The following AGMO variants were observed in gnomAD, a reference collection of about 807,000 sequenced individuals.
AGMO encodes the protein alkylglycerol monooxygenase.
AGMO carries 75 observed loss-of-function variants against 60.2 expected under a neutral mutation model. The ratio of observed to expected loss-of-function variants is 1.25; its 90% CI spans 1.03 to 1.51. The LOEUF is 1.51. AGMO is among the 40% of genes most tolerant of loss of function. AGMO has a pLI of 0.00. For synonymous variants in AGMO, 261 were observed against 177.1 expected (o/e 1.47, Z -3.76); for missense variants, 763 against 525.5 (o/e 1.45, Z -4.42).
At chr7:15,523,124 A>T in intron 3 of AGMO, among the ~76,000 whole-genome samples, 1 of 152,256 alleles carries the variant, frequency 6.6e-6, no homozygotes, top group East Asian at 1.9e-4. Context: ...AGAAAAATGC[A>T]AATCAAAACC....
chr7:15,461,652 G>T (rs1782145411), intron 3 of AGMO, among the ~76,000 whole-genome samples: 1 of 152,030 alleles, frequency 6.6e-6, no homozygotes, highest in Admixed American at 6.6e-5. Flanking sequence ...ATGTCTTTTG[G>T]TATTTGTTGA....
the AGMO span, among the ~76,000 whole-genome samples, chr7:15,157,657 G>A: frequency 6.6e-6 from 1 of 152,142 alleles, no homozygotes; most frequent in Admixed American, 6.5e-5. Context: ...TCCAAAGGGG[G>A]ACAAGCCTGG....
chr7:15,129,305 T>C, the AGMO span, among the ~76,000 whole-genome samples: 1 of 132,482 alleles, frequency 7.5e-6, no homozygotes, highest in South Asian at 2.5e-4. Context: ...TTCAGTTGTA[T>C]ATCCAGCTTC....
At chr7:15,413,943 T>G (rs1286512774) in intron 5 of AGMO, among the ~76,000 whole-genome samples, 2 of 152,218 alleles carry the variant, frequency 1.3e-5, no homozygotes, top group African/African-American at 4.8e-5. Flanking sequence ...TTGATTCCTT[T>G]AAATATAACT....
At chr7:15,252,861 G>C (rs1436128630) in intron 12 of AGMO, among the ~76,000 whole-genome samples, 16 of 152,128 alleles carry the variant, frequency 1.1e-4, no homozygotes, top group Admixed American at 1.0e-3. Flanking sequence ...GCAGTAAGTT[G>C]AAAGAAAAGA....
intron 2 of AGMO, among the ~76,000 whole-genome samples, chr7:15,558,126 C>T (rs1785199943): frequency 6.6e-6 from 1 of 151,150 alleles, no homozygotes; most frequent in Admixed American, 6.6e-5. Context: ...AATAACACTG[C>T]TAAGCAAAAA....
At chr7:15,398,283 A>T (rs975993150) in intron 5 of AGMO, among the ~76,000 whole-genome samples, 5 of 152,046 alleles carry the variant, frequency 3.3e-5, no homozygotes, top group African/African-American at 4.8e-5. Context: ...ATTTTTTTTT[A>T]ATGTCAAGCT....
intron 12 of AGMO, among the ~76,000 whole-genome samples, chr7:15,283,145 T>C (rs1784013079): frequency 1.3e-5 from 2 of 152,032 alleles, no homozygotes; most frequent in South Asian, 4.1e-4. Flanking sequence ...CTTAAAAGCA[T>C]AAAACTCACA....
At chr7:15,233,016 T>TG (rs1782303553) in intron 12 of AGMO, among the ~76,000 whole-genome samples, 1 of 152,160 alleles carries the variant, frequency 6.6e-6, no homozygotes, top group Non-Finnish European at 1.5e-5. Flanking sequence ...ATTGCATAGA[T>TG]GGAATTTTAT....
intron 5 of AGMO, among the ~76,000 whole-genome samples, chr7:15,414,295 G>A (rs568273008): frequency 5.3e-5 from 8 of 152,148 alleles, no homozygotes; most frequent in Admixed American, 3.3e-4. Context: ...CAGTGCACCC[G>A]GCCGTATTTT....
At position 15,339,023 on chromosome 7, in the gene AGMO, T is replaced by C. The variant is rs376215502; in HGVS notation, c.1263+26491A>G. Among the ~76,000 whole-genome samples the C allele has an allele frequency of 1.1e-4, 16 of 152,298 alleles. 1 individual carries two copies. In the East Asian group the frequency reaches 2.1e-3, roughly 20 times the overall value. On this transcript the variant is annotated intron_variant, in intron 12 of 12. Transcript: ENST00000342526. ...AGTTTGTGTCTAAAGATCTTGGGTATTGGAATCAGCATCTTATAATTTCTC... is the reference window on the plus strand; with the variant it reads ...AGTTTGTGTCTAAAGATCTTGGGTACTGGAATCAGCATCTTATAATTTCTC...
chr7:15,220,620 T>C (rs565045722), intron 12 of AGMO, among the ~76,000 whole-genome samples: 5 of 151,974 alleles, frequency 3.3e-5, no homozygotes, highest in African/African-American at 9.7e-5. Context: ...GTGATAATAA[T>C]ATTTATTCAG....
intron 3 of AGMO, among the ~76,000 whole-genome samples, chr7:15,494,273 A>G (rs535532940): frequency 6.6e-6 from 1 of 152,340 alleles, no homozygotes; most frequent in South Asian, 2.1e-4. Context: ...TAAGTGGTTC[A>G]GGATATTTGA....
At chr7:15,148,927 T>G in the AGMO span, among the ~76,000 whole-genome samples, 2 of 152,242 alleles carry the variant, frequency 1.3e-5, no homozygotes, top group South Asian at 4.1e-4. Flanking sequence ...ATTAACATTC[T>G]CACTAGCATA....
intron 3 of AGMO, among the ~76,000 whole-genome samples, chr7:15,520,809 C>T (rs1327114300): frequency 6.6e-6 from 1 of 152,006 alleles, no homozygotes. Flanking sequence ...GAAGAGCAAA[C>T]AAATTCAAAA....
At chr7:15,363,662 A>C (rs1220520660) in intron 12 of AGMO, among the ~76,000 whole-genome samples, 2 of 152,170 alleles carry the variant, frequency 1.3e-5, no homozygotes, top group Non-Finnish European at 2.9e-5. Flanking sequence ...CATCACACTT[A>C]AAAGCTGGAC....
At chr7:15,428,829 A>G (rs759910282) in intron 4 of AGMO, among the ~76,000 whole-genome samples, 3 of 152,056 alleles carry the variant, frequency 2.0e-5, no homozygotes, top group Non-Finnish European at 4.4e-5. Flanking sequence ...CTCTCTGAAA[A>G]TGCAACTACT....
intron 12 of AGMO, among the ~76,000 whole-genome samples, chr7:15,354,393 T>TATAGACGCGTGTATAC (rs1782396765): frequency 2.9e-4 from 12 of 41,114 alleles, no homozygotes; most frequent in Non-Finnish European, 3.2e-4. Flanking sequence ...CGTGTGTGTA[T>TATAGACGCGTGTATAC]ACACGTGTGT....
intron 2 of AGMO, among the ~76,000 whole-genome samples, chr7:15,548,512 GA>G (rs1784854659): frequency 6.6e-6 from 1 of 152,074 alleles, no homozygotes; most frequent in Non-Finnish European, 1.5e-5. Flanking sequence ...AGAACTACGT[GA>G]AGAATGCAGA....
Sources: gnomAD v4.1 joint callset for allele counts (sites outside exome capture counted in the v4.1 genomes callset) on GRCh38, gnomAD v4.1.1 for gene constraint, MANE v1.5 for transcripts, NCBI Gene and HGNC (gene_info 2026-07-23, HGNC 2026-07-21) for gene names.